Variants in COX6B2 observed in about 807,000 individuals in gnomAD.
The protein encoded by COX6B2 is cytochrome c oxidase subunit 6B2.
A neutral mutation model predicts 13.7 loss-of-function variants in COX6B2; 12 were observed. The ratio of observed to expected loss-of-function variants is 0.87; its 90% CI spans 0.56 to 1.41. The LOEUF (loss-of-function observed/expected upper bound fraction) is 1.41. Ranked by LOEUF, COX6B2 falls within the 40% of genes most tolerant of loss-of-function variation. The pLI, the probability that COX6B2 is intolerant of heterozygous loss-of-function variation, is 0.00. For missense variants in COX6B2, 130 were observed against 118.3 expected, an observed-to-expected ratio of 1.10 and a Z score of -0.46; for synonymous variants, 56 against 46.6, an observed-to-expected ratio of 1.20 and a Z score of -0.82.
chr19:55,354,303 C>G, intron 2 of COX6B2, 107 bp downstream of exon 2: 1 of 1,046,624 alleles, frequency 9.6e-7, no homozygotes, highest in Non-Finnish European at 1.5e-6. Context: ...CGGCCCCGCC[C>G]GGCCTCCCAC....
In COX6B2 at chr19:55,352,266, C is replaced by T. The variant is rs1214695496; in HGVS notation, c.*114+1341G>A. On this transcript the variant is annotated intron_variant, in intron 4 of 4. Transcript: ENST00000326529. The surrounding 1 kb of genome is among the most constrained non-coding windows in gnomAD (Gnocchi z 6.2). ...TCTTGGGTTGTGGTCAGAGACGGAG[C>T]CAGGAGACCAAGATCTCAGAGGTGG... 6.6e-6 allele frequency: 1 copy of T among 152,178 alleles called. No individual in the cohort carries two copies. Among genetic ancestry groups the T allele is most frequent in the Non-Finnish European group, 1.5e-5 (1 of 68,102 alleles). The allele number at this position is 152,178 out of a possible 1,614,324, so 9.4% of individuals were successfully genotyped here.
chr19:55,351,199 C>T (rs1022229378), intron 4 of COX6B2, among the ~76,000 whole-genome samples: 3 of 152,206 alleles, frequency 2.0e-5, no homozygotes, highest in Non-Finnish European at 4.4e-5. Flanking sequence ...GTTTTCACAT[C>T]GCCGTCCTCC....
In COX6B2 at chr19:55,352,303, G is replaced by A. The variant is rs992306515; in HGVS notation, c.*114+1304C>T. Reference sequence around the variant, plus strand: ...GATCTCAGAGGTGGCGTCATCCTGGGGGATGGCTCATCTAGGGTGTGTCCT... The same window carrying A: ...GATCTCAGAGGTGGCGTCATCCTGGAGGATGGCTCATCTAGGGTGTGTCCT... On this transcript the variant is annotated intron_variant, in intron 4 of 4. Coordinates refer to ENST00000326529, the MANE Select transcript of COX6B2 (RefSeq NM_144613.5). This position sits in a 1 kb window ranked among gnomAD's most constrained non-coding sequence, Gnocchi z 6.2. 1 of 152,290 alleles carries A rather than the reference G, an allele frequency of 6.6e-6. No homozygotes were observed. The highest frequency in any genetic ancestry group is 1.5e-5 in the Non-Finnish European group (1 of 68,134). The allele number at this position is 152,290 out of a possible 1,614,324, so 9.4% of individuals were successfully genotyped here.
chr19:55,353,933 C>T lies in COX6B2; in HGVS notation c.146G>A (p.Arg49His). The change falls in exon 3 of 5, where the codon CGC (arginine) becomes CAC (histidine). Residue 49 changes from arginine to histidine, a missense_variant. By Grantham distance (29) the Arg-to-His change is conservative. Transcript: ENST00000326529. Reference sequence around the variant, plus strand: ...CTCGCAGGGCTGCGTGCTCTTCCCGCGGCGGGTCCTGGTCTTGAGGCAGCG... The same window carrying T: ...CTCGCAGGGCTGCGTGCTCTTCCCGTGGCGGGTCCTGGTCTTGAGGCAGCG... ...YHRCLKTRTRRGKSTQPCEYY... is the reference protein window; with the variant it reads ...YHRCLKTRTRHGKSTQPCEYY... 6.4e-7 allele frequency: 1 copy of T among 1,560,584 alleles called. No homozygotes were observed. The highest frequency in any genetic ancestry group is 8.7e-7 in the Non-Finnish European group (1 of 1,154,822).
In COX6B2 at chr19:55,353,898, G is replaced by T. The variant is rs559887981; in HGVS notation, c.181C>A (p.Arg61Ser). The T allele has an allele frequency of 5.1e-6, 8 of 1,571,382 alleles. No homozygotes were observed. The South Asian group carries it at 8.1e-5, about 16-fold the overall frequency. The change falls in exon 3 of 5, where the codon CGC becomes AGC. Residue 61 changes from arginine (R) to serine (S), a missense_variant. Physicochemically the swap from Arg to Ser is moderately radical, Grantham distance 110. Coordinates refer to ENST00000326529, the MANE Select transcript of COX6B2 (RefSeq NM_144613.5). ...ATGGGGCACAGCGAGTGGTACACGC[G>T]GAAATAGTACTCGCAGGGCTGCGTG... ...KSTQPCEYYF[R>S]VYHSLCPISW...
Position 55,354,398 on chromosome 19 carries a change from A to AG in COX6B2, c.112+11dup. On this transcript the variant is annotated intron_variant, in intron 2 of 4. Transcript: ENST00000326529. ...CCCTGCTCCTCCCATAACCTGGCTG[A>AG]GCAGGTCTCACCCAGGAAGTTCTGG... 2 of 1,597,598 alleles carry AG rather than the reference A, an allele frequency of 1.3e-6. No individual in the cohort carries two copies. Among genetic ancestry groups the AG allele is most frequent in the Non-Finnish European group, 1.7e-6 (2 of 1,169,982 alleles).
intron 4 of COX6B2, chr19:55,353,406 G>T (rs535607306): frequency 2.1e-4 from 98 of 477,552 alleles, no homozygotes; most frequent in Non-Finnish European, 3.5e-4. Context: ...GGAATGGAGA[G>T]GGAGAAGGGG....
In COX6B2 at chr19:55,354,240, C is replaced by T; in HGVS notation, c.112+170G>A. 4.7e-6 allele frequency: 3 copies of T among 643,128 alleles called. 1 individual carries two copies. The highest frequency in any genetic ancestry group is 8.1e-6 in the Non-Finnish European group (3 of 372,544). 39.8% of individuals were successfully genotyped at this position (643,128 alleles called of 1,614,324 possible). ...CCTCGCCCCTACCAACCTCGCCCCG[C>T]CCCTCCAGGCTCAGCCCCGCCTTTT... On this transcript the variant is annotated intron_variant, in intron 2 of 4. Transcript: ENST00000326529.
At position 55,353,614 on chromosome 19, in the gene COX6B2, C is replaced by G; in HGVS notation, c.*107G>C. On this transcript the variant is annotated 3_prime_UTR_variant, in exon 4 of 5. Coordinates refer to ENST00000326529, the MANE Select transcript of COX6B2 (RefSeq NM_144613.5). ...ACATCAGCAACAGCATACCATTATT[C>G]GTGGCTTAGACACTGGGAGGTAGGG... 2 of 1,011,894 alleles carry G rather than the reference C, an allele frequency of 2.0e-6. No individual in the cohort carries two copies. Among genetic ancestry groups the G allele is most frequent in the Non-Finnish European group, 2.9e-6 (2 of 679,332 alleles). The allele number at this position is 1,011,894 out of a possible 1,614,324, so 62.7% of individuals were successfully genotyped here.
intron 4 of COX6B2, 162 bp downstream of exon 4, chr19:55,353,445 G>A (rs2089683360): frequency 1.8e-6 from 1 of 555,206 alleles, no homozygotes; most frequent in Non-Finnish European, 3.2e-6. Flanking sequence ...TCCTGTCTTA[G>A]GGCCTTGACT....
At position 55,354,446 on chromosome 19, in the gene COX6B2, G is replaced by C; in HGVS notation, c.76C>G (p.Gln26Glu). Residue 26 changes from glutamine to glutamate, a missense_variant, in exon 2 of 5, where the codon CAG becomes GAG. Transcript: ENST00000326529. ...TGGTAGCAGTTACGGATCTGGTTCT[G>C]GCTGGGGAAGCGCGGGTCGAAGGGC... Reference protein sequence around the residue: ...TPPFDPRFPSQNQIRNCYQNF... With the variant: ...TPPFDPRFPSENQIRNCYQNF... 2 of 1,614,018 alleles carry C rather than the reference G, an allele frequency of 1.2e-6. No individual in the cohort carries two copies. Among genetic ancestry groups the C allele is most frequent in the Non-Finnish European group, 1.7e-6 (2 of 1,179,966 alleles).
Position 55,353,015 on chromosome 19 carries a change from A to T in COX6B2, c.*114+592T>A, listed in dbSNP as rs370764399. 4.1e-4 allele frequency: 63 copies of T among 153,580 alleles called. 2 individuals carry two copies. In the South Asian group the frequency reaches 0.012, roughly 29 times the overall value. The allele number at this position is 153,580 out of a possible 1,614,324, so 9.5% of individuals were successfully genotyped here. Reference sequence around the variant, plus strand: ...GTGGGTGCGGGTGCCGAAAGCGTGGACACCAGGGGATTCTGTTGGAAATAA... The same window carrying T: ...GTGGGTGCGGGTGCCGAAAGCGTGGTCACCAGGGGATTCTGTTGGAAATAA... On this transcript the variant is annotated intron_variant, in intron 4 of 4. Coordinates refer to ENST00000326529, the MANE Select transcript of COX6B2 (RefSeq NM_144613.5).
At chr19:55,354,573 G>A in intron 1 of COX6B2, 34 bp from the exon 2 acceptor site, 1 of 1,356,418 alleles carries the variant, frequency 7.4e-7, no homozygotes, top group South Asian at 1.3e-5. Context: ...ACTCCGTGGG[G>A]CCGAGGGGGC....
Position 55,353,967 on chromosome 19 carries a change from C to A in COX6B2, c.113-1G>T. 6.5e-7 allele frequency: 1 copy of A among 1,543,986 alleles called. No individual in the cohort carries two copies. The highest frequency in any genetic ancestry group is 8.7e-7 in the Non-Finnish European group (1 of 1,148,858). The stretch of plus-strand genomic sequence containing the variant: ...CTGGTCTTGAGGCAGCGGTGGTAGT[C>A]TGTGGCGGGCGGGGGTCACGCGGCA... On this transcript the variant is annotated splice_acceptor_variant, in intron 2 of 4. Transcript: ENST00000326529. LOFTEE classifies it high-confidence loss of function.
chr19:55,353,064 C>T (rs2089680285), intron 4 of COX6B2: 1 of 154,872 alleles, frequency 6.5e-6, no homozygotes, highest in Admixed American at 6.3e-5. Flanking sequence ...ATGGGGATCT[C>T]GATGTTCTGG....
At chr19:55,354,075 T>A in intron 2 of COX6B2, 109 bp from the exon 3 acceptor site, 1 of 985,286 alleles carries the variant, frequency 1.0e-6, no homozygotes, top group South Asian at 1.5e-5. Flanking sequence ...CGCCTCCCTC[T>A]CCCCTGGAGG....
rs1326502644 is a variant in COX6B2, at chr19:55,353,747, T to G, written c.241A>C (p.Asn81His). The change falls in exon 4 of 5, where the codon AAC (asparagine) becomes CAC (histidine). Residue 81 changes from asparagine (N) to histidine (H), a missense_variant. Coordinates refer to ENST00000326529, the MANE Select transcript of COX6B2 (RefSeq NM_144613.5). ...WVESWNEQIK[N>H]GIFAGKI is the part of the protein sequence containing the mutation. ...CAGATTTTGCCGGCGAAAATCCCGT[T>G]CTTGATCTGCTCGTTCCAGCTCTCC... 2.5e-6 allele frequency: 4 copies of G among 1,610,646 alleles called. No individual in the cohort carries two copies. In the Admixed American group the frequency reaches 6.7e-5, roughly 27 times the overall value.
intron 4 of COX6B2, among the ~76,000 whole-genome samples, chr19:55,351,089 G>C (rs1330191816): frequency 6.6e-6 from 1 of 152,206 alleles, no homozygotes; most frequent in Non-Finnish European, 1.5e-5. Context: ...CACCAGAACT[G>C]GGCCGACATG....
In COX6B2 at chr19:55,353,848, C is replaced by T; in HGVS notation, c.213+18G>A. 1 of 1,580,682 alleles carries T rather than the reference C, an allele frequency of 6.3e-7. No individual in the cohort carries two copies. The highest frequency in any genetic ancestry group is 8.6e-7 in the Non-Finnish European group (1 of 1,163,834). On this transcript the variant is annotated intron_variant, in intron 3 of 4. Coordinates refer to ENST00000326529, the MANE Select transcript of COX6B2 (RefSeq NM_144613.5). ...AGCCCTGCACACGCCTGGCCCGGCG[C>T]CCCCTCTGCCGACTCACCCAGCTGA...
Sources: allele counts gnomAD v4.1 joint callset (sites outside exome capture counted in the v4.1 genomes callset), GRCh38; gene constraint gnomAD v4.1.1; non-coding constraint Gnocchi (gnomAD v3.1); transcripts MANE v1.5; gene names NCBI Gene and HGNC (gene_info 2026-07-23, HGNC 2026-07-21).